NCKAP5: variants seen among roughly 807,000 people sequenced by gnomAD.
NCKAP5 encodes NCK associated protein 5.
NCKAP5 carries 92 observed loss-of-function variants against 167.0 expected under a neutral mutation model. The observed-to-expected ratio is 0.55, with a 90% CI of 0.47 to 0.66. The LOEUF is 0.66. NCKAP5 is among the 30% of genes least tolerant of loss of function. NCKAP5 has a pLI of 0.00. For missense variants in NCKAP5, 2,378 were observed against 2,315.0 expected, an observed-to-expected ratio of 1.03 and a Z score of -0.56; for synonymous variants, 891 against 877.4, an observed-to-expected ratio of 1.02 and a Z score of -0.27.
At position 133,500,186 on chromosome 2, in the gene NCKAP5, C is replaced by T. The variant is rs143438196; in HGVS notation, c.69+17272G>A. Among the ~76,000 whole-genome samples, 503 of 152,234 alleles carry T rather than the reference C, an allele frequency of 3.3e-3. 3 individuals carry two copies. Among genetic ancestry groups the T allele is most frequent in the Admixed American group, 7.3e-3 (111 of 15,292 alleles). On this transcript the variant is annotated intron_variant, in intron 3 of 19. Coordinates refer to ENST00000409261, the MANE Select transcript of NCKAP5 (RefSeq NM_207363.3). Reference sequence around the variant, plus strand: ...AGTGATCTATTTGTTTGGAAAAACACACTGAGGATAAATTCTATTAGTAAT... The same window carrying T: ...AGTGATCTATTTGTTTGGAAAAACATACTGAGGATAAATTCTATTAGTAAT...
At chr2:133,465,436 C>G (rs774330030) in intron 3 of NCKAP5, among the ~76,000 whole-genome samples, 1 of 151,616 alleles carries the variant, frequency 6.6e-6, no homozygotes, top group Non-Finnish European at 1.5e-5. Flanking sequence ...GGTTCCAAGT[C>G]TTTGCTATCG....
At chr2:133,124,153 G>A (rs181156459) in intron 6 of NCKAP5, among the ~76,000 whole-genome samples, 4 of 152,326 alleles carry the variant, frequency 2.6e-5, no homozygotes, top group South Asian at 2.1e-4. Flanking sequence ...GACGGTGCCA[G>A]GGGAGAAGGT....
At chr2:132,789,921 G>A in intron 13 of NCKAP5, 102 bp downstream of exon 13, 3 of 1,107,130 alleles carry the variant, frequency 2.7e-6, no homozygotes, top group Non-Finnish European at 3.8e-6. Context: ...TCAGCAAATG[G>A]TGGCTTCCTT....
intron 1 of NCKAP5, among the ~76,000 whole-genome samples, chr2:133,567,859 A>T (rs1688680097): frequency 1.3e-5 from 2 of 152,178 alleles, no homozygotes; most frequent in African/African-American, 4.8e-5. Flanking sequence ...TGTCTGCTAA[A>T]CTTTCTAGAT....
chr2:133,219,655 T>G (rs1163725581), intron 4 of NCKAP5, among the ~76,000 whole-genome samples: 1 of 152,112 alleles, frequency 6.6e-6, no homozygotes, highest in Non-Finnish European at 1.5e-5. Context: ...ACTTGTATAT[T>G]CCAAATATTT....
chr2:132,951,428 C>T (rs1446144021), intron 8 of NCKAP5, among the ~76,000 whole-genome samples: 1 of 152,184 alleles, frequency 6.6e-6, no homozygotes, highest in Non-Finnish European at 1.5e-5. Flanking sequence ...TACACCATGA[C>T]AGCTGGTGTT....
intron 11 of NCKAP5, among the ~76,000 whole-genome samples, chr2:132,807,254 C>G (rs1042358044): frequency 6.6e-6 from 1 of 151,916 alleles, no homozygotes; most frequent in Non-Finnish European, 1.5e-5. Flanking sequence ...TTTTATGGTT[C>G]CATATGAATT....
chr2:133,033,288 C>G (rs1016265703), intron 6 of NCKAP5, among the ~76,000 whole-genome samples: 7 of 152,234 alleles, frequency 4.6e-5, no homozygotes, highest in Non-Finnish European at 1.0e-4. Context: ...TCTGCAAGAA[C>G]CACAGTGTAA....
At chr2:133,084,149 C>T (rs536112877) in intron 6 of NCKAP5, among the ~76,000 whole-genome samples, 35 of 152,014 alleles carry the variant, frequency 2.3e-4, no homozygotes, top group Admixed American at 4.6e-4. Flanking sequence ...CACACATTAT[C>T]CAGGGTGGCT....
At chr2:133,421,977 A>T (rs1488149074) in intron 3 of NCKAP5, among the ~76,000 whole-genome samples, 1 of 152,194 alleles carries the variant, frequency 6.6e-6, no homozygotes, top group Non-Finnish European at 1.5e-5. Flanking sequence ...TGTACTCAGC[A>T]CCTACTGCAT....
At chr2:133,175,565 G>T (rs185905390) in intron 5 of NCKAP5, among the ~76,000 whole-genome samples, 3 of 152,206 alleles carry the variant, frequency 2.0e-5, no homozygotes, top group Middle Eastern at 3.4e-3. Flanking sequence ...AGCTGTCAGG[G>T]TTATCCAAAA....
chr2:132,851,791 C>T (rs1381024818), intron 11 of NCKAP5, among the ~76,000 whole-genome samples: 1 of 152,200 alleles, frequency 6.6e-6, no homozygotes, highest in Non-Finnish European at 1.5e-5. Context: ...AATCACTGGC[C>T]AGTTCCAGAA....
intron 6 of NCKAP5, among the ~76,000 whole-genome samples, chr2:133,003,248 C>G (rs1354078730): frequency 6.6e-6 from 1 of 152,122 alleles, no homozygotes; most frequent in Non-Finnish European, 1.5e-5. Flanking sequence ...GCATTGCCTC[C>G]CATATAATTT....
intron 3 of NCKAP5, among the ~76,000 whole-genome samples, chr2:133,485,783 TG>T (rs1278309956): frequency 6.6e-6 from 1 of 151,616 alleles, no homozygotes. Flanking sequence ...ATACTGGGGG[TG>T]GGGAGGAGGG....
chr2:133,131,790 A>G (rs2082610757), intron 5 of NCKAP5, among the ~76,000 whole-genome samples: 1 of 152,178 alleles, frequency 6.6e-6, no homozygotes, highest in Non-Finnish European at 1.5e-5. Flanking sequence ...CTTTACAAAA[A>G]TGGTCAAAAT....
At chr2:133,362,935 G>GTT (rs1032421899) in intron 3 of NCKAP5, among the ~76,000 whole-genome samples, 1 of 144,188 alleles carries the variant, frequency 6.9e-6, no homozygotes. Flanking sequence ...TTCGTTTTTT[G>GTT]TTTTTTTTTT....
intron 5 of NCKAP5, among the ~76,000 whole-genome samples, chr2:133,131,844 T>C (rs913455944): frequency 4.6e-5 from 7 of 152,100 alleles, no homozygotes; most frequent in Admixed American, 4.6e-4. Flanking sequence ...TAAAATAAAC[T>C]CTTTATGGTT....
chr2:133,389,188 AT>A (rs1396202951), intron 3 of NCKAP5, among the ~76,000 whole-genome samples: 1 of 152,186 alleles, frequency 6.6e-6, no homozygotes, highest in African/African-American at 2.4e-5. Flanking sequence ...TGCCCCCCAC[AT>A]TCTAGGATTT....
intron 3 of NCKAP5, among the ~76,000 whole-genome samples, chr2:133,356,439 C>T (rs1214076030): frequency 6.6e-6 from 1 of 152,190 alleles, no homozygotes; most frequent in Admixed American, 6.5e-5. Flanking sequence ...CCATTTTCTC[C>T]ACTTTCCCTA....
Sources: allele counts gnomAD v4.1 joint callset (sites outside exome capture counted in the v4.1 genomes callset), GRCh38; gene constraint gnomAD v4.1.1; transcripts MANE v1.5; gene names NCBI Gene and HGNC (gene_info 2026-07-23, HGNC 2026-07-21).